PDE9A: variants seen among roughly 807,000 people sequenced by gnomAD.
The protein encoded by PDE9A is high affinity cGMP-specific 3',5'-cyclic phosphodiesterase 9A.
In PDE9A, 60 loss-of-function variants were observed where a neutral mutation model predicts 87.4. The ratio of observed to expected loss-of-function variants is 0.69; its 90% confidence interval spans 0.56 to 0.85. The LOEUF (loss-of-function observed/expected upper bound fraction) is 0.85, where lower values mean the gene tolerates loss of function less well. Ranked by LOEUF, PDE9A falls within the 40% of genes least tolerant of loss-of-function variation. The pLI, the probability that PDE9A is intolerant of heterozygous loss-of-function variation, is 0.00. For missense variants in PDE9A, 665 were observed against 779.0 expected (o/e 0.85, Z 1.74); for synonymous variants, 272 against 279.4 (o/e 0.97, Z 0.27).
At chr21:42,751,264 C>G in intron 9 of PDE9A, 67 bp downstream of exon 9, 9 of 1,167,984 alleles carry the variant, frequency 7.7e-6, no homozygotes, top group Non-Finnish European at 1.2e-5. Flanking sequence ...AGCCCTGTGG[C>G]CCTGCGGCCA....
At chr21:42,668,827 G>A (rs2058189715) in intron 1 of PDE9A, among the ~76,000 whole-genome samples, 1 of 151,252 alleles carries the variant, frequency 6.6e-6, no homozygotes, top group Non-Finnish European at 1.5e-5. Context: ...GGTCTGGGTA[G>A]CCGTGTCCTG....
chr21:42,766,717 C>A (rs890467597), intron 15 of PDE9A, among the ~76,000 whole-genome samples: 3 of 152,210 alleles, frequency 2.0e-5, no homozygotes, highest in Admixed American at 6.5e-5. Flanking sequence ...TCACATAGAG[C>A]GGCTTCCTGG....
At chr21:42,699,941 T>C (rs1157244427) in intron 4 of PDE9A, among the ~76,000 whole-genome samples, 1 of 152,210 alleles carries the variant, frequency 6.6e-6, no homozygotes, top group Non-Finnish European at 1.5e-5. Flanking sequence ...AGTGCCTATT[T>C]TGATGACTTT....
At chr21:42,727,561 T>C (rs1259637121) in intron 4 of PDE9A, among the ~76,000 whole-genome samples, 3 of 139,454 alleles carry the variant, frequency 2.2e-5, no homozygotes, top group African/African-American at 8.3e-5. Context: ...CTCAAACTCC[T>C]GGGCTCAAGC....
At chr21:42,767,195 C>G (rs529351173) in intron 15 of PDE9A, among the ~76,000 whole-genome samples, 2 of 152,112 alleles carry the variant, frequency 1.3e-5, no homozygotes, top group East Asian at 3.9e-4. Flanking sequence ...AAATGGGCCC[C>G]AATAGGGAGG....
intron 8 of PDE9A, among the ~76,000 whole-genome samples, chr21:42,748,731 T>TC: frequency 6.6e-6 from 1 of 152,048 alleles, no homozygotes; most frequent in East Asian, 1.9e-4. Context: ...TGTGTAGTCT[T>TC]TTTTTTTACT....
At chr21:42,709,797 C>T (rs964283670) in intron 4 of PDE9A, among the ~76,000 whole-genome samples, 1 of 152,192 alleles carries the variant, frequency 6.6e-6, no homozygotes, top group Non-Finnish European at 1.5e-5. Context: ...GATCCTCCCA[C>T]CTCAGCCTCC....
intron 10 of PDE9A, among the ~76,000 whole-genome samples, chr21:42,755,388 G>A (rs1293641446): frequency 6.6e-6 from 1 of 152,218 alleles, no homozygotes; most frequent in Non-Finnish European, 1.5e-5. Flanking sequence ...CAAAGCTCCA[G>A]CCTCCACTCC....
At chr21:42,761,617 G>A (rs1374238755) in intron 13 of PDE9A, among the ~76,000 whole-genome samples, 1 of 152,204 alleles carries the variant, frequency 6.6e-6, no homozygotes, top group Non-Finnish European at 1.5e-5. Flanking sequence ...GTTCCGAGGT[G>A]TGGCTGTCAG....
rs762839499 is a variant in PDE9A at position 42,686,155 on chromosome 21, G to A, written c.70-37G>A. 3.2e-6 allele frequency: 5 copies of A among 1,556,754 alleles called. 1 individual carries two copies. The South Asian group carries it at 3.3e-5, about 10-fold the overall frequency. On this transcript the variant is annotated intron_variant, in intron 1 of 19. Transcript: ENST00000291539. ...TCTGACGTCTCCAGGGAGACCCGCC[G>A]CCCTCGCTGCCGCCTCACCGCGCTT...
chr21:42,752,764 C>G (rs1278295957), intron 9 of PDE9A, among the ~76,000 whole-genome samples: 2 of 152,202 alleles, frequency 1.3e-5, no homozygotes, highest in Non-Finnish European at 2.9e-5. Flanking sequence ...GTGTGCAATA[C>G]CAAAGCAGTG....
Position 42,775,497 on chromosome 21 carries a change from T to A in PDE9A, c.*204T>A. ...TTAAACTGTCTTTTAAATAATATAT[T>A]CTTATACGGAAATGGGTACTGTACT... On this transcript the variant is annotated 3_prime_UTR_variant, in exon 20 of 20. Transcript: ENST00000291539. 1 of 516,208 alleles carries A rather than the reference T, an allele frequency of 1.9e-6. No individual in the cohort carries two copies. Among genetic ancestry groups the A allele is most frequent in the Non-Finnish European group, 3.4e-6 (1 of 291,202 alleles). The allele number at this position is 516,208 out of a possible 1,614,324, so 32.0% of individuals were successfully genotyped here. A position where few individuals can be genotyped will look rare whatever the true frequency, so the allele number is the denominator to read the frequency against.
Position 42,762,006 on chromosome 21 carries a change from T to C in PDE9A, c.1086-77T>C, listed in dbSNP as rs2055833537. Reference sequence around the variant, plus strand: ...CCTGACTCTACTTGCTCCACTTACATGGCTGGGTGTTGCTCCCCCGTGCAG... The same window carrying C: ...CCTGACTCTACTTGCTCCACTTACACGGCTGGGTGTTGCTCCCCCGTGCAG... On this transcript the variant is annotated intron_variant, in intron 13 of 19. Coordinates refer to ENST00000291539, the MANE Select transcript of PDE9A (RefSeq NM_002606.3). 4.9e-6 allele frequency: 7 copies of C among 1,418,382 alleles called. No homozygotes were observed. In the East Asian group the frequency reaches 1.6e-4, roughly 33 times the overall value. 87.9% of individuals were successfully genotyped at this position (1,418,382 alleles called of 1,614,324 possible).
At chr21:42,767,054 C>T (rs2086440024) in intron 15 of PDE9A, among the ~76,000 whole-genome samples, 1 of 152,280 alleles carries the variant, frequency 6.6e-6, no homozygotes, top group Non-Finnish European at 1.5e-5. Flanking sequence ...CAACGACCTG[C>T]ACCGCGGGGT....
rs11403559 is a variant in PDE9A at position 42,714,016 on chromosome 21, A to ATTTTTTT, written c.262+15019_262+15025dup. Among the ~76,000 whole-genome samples the ATTTTTTT allele has an allele frequency of 5.5e-5, 5 of 90,422 alleles. 1 individual carries two copies. Among genetic ancestry groups the ATTTTTTT allele is most frequent in the African/African-American group, 9.2e-5 (2 of 21,820 alleles). 59.3% of individuals were successfully genotyped at this position (90,422 alleles called of 152,430 possible). A position where few individuals can be genotyped will look rare whatever the true frequency, so the allele number is the denominator to read the frequency against. On this transcript the variant is annotated intron_variant, in intron 4 of 19. Coordinates refer to ENST00000291539, the MANE Select transcript of PDE9A (RefSeq NM_002606.3). ...TGTTAAAACTTTTTTTTTCATTCCA[A>ATTTTTTT]TTTTTTTTTTTTTTTTTTTTGAGAT...
chr21:42,659,368 A>G lies in PDE9A; in HGVS notation c.69+5485A>G, dbSNP rs2057318631. 6.6e-6 allele frequency among the ~76,000 whole-genome samples: 1 copy of G among 152,220 alleles called. No individual in the cohort carries two copies. Among genetic ancestry groups the G allele is most frequent in the Non-Finnish European group, 1.5e-5 (1 of 68,038 alleles). The stretch of plus-strand genomic sequence containing the variant: ...GGGAATCCAGGAGGGCTGGTCCCAT[A>G]GAGTGGTGGGGACATGGTGCTGAGA... On this transcript the variant is annotated intron_variant, in intron 1 of 19. Coordinates refer to ENST00000291539, the MANE Select transcript of PDE9A (RefSeq NM_002606.3). This position sits in a 1 kb window ranked among gnomAD's most constrained non-coding sequence, Gnocchi z 4.1.
intron 1 of PDE9A, among the ~76,000 whole-genome samples, chr21:42,669,475 A>G (rs1038682759): frequency 1.3e-5 from 2 of 152,180 alleles, no homozygotes; most frequent in African/African-American, 4.8e-5. Context: ...CTTCCACTTA[A>G]CAGACATTTA....
intron 14 of PDE9A, among the ~76,000 whole-genome samples, chr21:42,764,531 T>G (rs933816267): frequency 1.3e-5 from 2 of 152,226 alleles, no homozygotes; most frequent in Admixed American, 1.3e-4. Flanking sequence ...CTCGTCCCAC[T>G]GAGCCATGTC....
intron 4 of PDE9A, among the ~76,000 whole-genome samples, chr21:42,729,940 A>C (rs539653710): frequency 8.1e-4 from 123 of 152,334 alleles, no homozygotes; most frequent in African/African-American, 2.9e-3. Context: ...ATCTTGGTAC[A>C]TGCTCTGTAG....
Sources: allele counts gnomAD v4.1 joint callset (sites outside exome capture counted in the v4.1 genomes callset), GRCh38; gene constraint gnomAD v4.1.1; non-coding constraint Gnocchi (gnomAD v3.1); transcripts MANE v1.5; gene names NCBI Gene and HGNC (gene_info 2026-07-23, HGNC 2026-07-21).